MYBPC3: variants seen among roughly 807,000 people sequenced by gnomAD.
MYBPC3 encodes the protein myosin binding protein C3, also known as myosin-binding protein C, cardiac-type.
In MYBPC3, 108 loss-of-function variants were observed where a neutral mutation model predicts 159.3. The observed-to-expected ratio is 0.68, with a 90% CI of 0.58 to 0.80. MYBPC3 has a LOEUF of 0.80. Ranked by LOEUF, MYBPC3 falls within the 30% of genes least tolerant of loss-of-function variation. The pLI is 0.00. For synonymous variants in MYBPC3, 730 were observed against 702.0 expected (o/e 1.04, Z -0.63); for missense variants, 1,631 against 1,762.1 (o/e 0.93, Z 1.33).
At chr11:47,337,642 G>A (rs1269718070) in intron 24 of MYBPC3, 48 bp downstream of exon 24, 1 of 1,608,240 alleles carries the variant, frequency 6.2e-7, no homozygotes, top group African/African-American at 1.3e-5. Flanking sequence ...ACCTTCCCTC[G>A]GATCTGTTTG....
rs979655756 is a variant in MYBPC3, at chr11:47,343,028, A to G, written c.1344T>C (p.Phe448=). The change falls in exon 15 of 35, where the codon TTT becomes TTC. Residue 448 remains phenylalanine, a synonymous_variant. Transcript: ENST00000545968. Reference sequence around the variant, plus strand: ...CTCAGGTCCCAGGCCCACCTTTCACAAAGAGCTCCGTGCTACACTTCTCGC... The same window carrying G: ...CTCAGGTCCCAGGCCCACCTTTCACGAAGAGCTCCGTGCTACACTTCTCGC... ...VGGEKCSTEL[F]VKEPPVLITR... The G allele has an allele frequency of 1.4e-5, 22 of 1,613,160 alleles. No homozygotes were observed. The highest frequency in any genetic ancestry group is 1.9e-5 in the Non-Finnish European group (22 of 1,179,742).
chr11:47,349,397 C>T (rs1441288965), intron 5 of MYBPC3, among the ~76,000 whole-genome samples: 4 of 152,158 alleles, frequency 2.6e-5, no homozygotes, highest in African/African-American at 9.7e-5. Flanking sequence ...CCCTGATACT[C>T]ACCCATCCAG....
chr11:47,346,145 C>T lies in MYBPC3; in HGVS notation c.1090+62G>A. 6.2e-7 allele frequency: 1 copy of T among 1,601,512 alleles called. No individual in the cohort carries two copies. The highest frequency in any genetic ancestry group is 8.5e-7 in the Non-Finnish European group (1 of 1,173,262). ...GGGAAGGGCTAACCTATGCCCTCTC[C>T]TCTCCTGTGTAGGGAAGGGCTAGCC... On this transcript the variant is annotated intron_variant, in intron 12 of 34. Coordinates refer to ENST00000545968, the MANE Select transcript of MYBPC3 (RefSeq NM_000256.3). The surrounding 1 kb of genome is among the most constrained non-coding windows in gnomAD (Gnocchi z 5.3).
At position 47,343,205 on chromosome 11, in the gene MYBPC3, C is replaced by T. The variant is rs1023832011; in HGVS notation, c.1226+55G>A. On this transcript the variant is annotated intron_variant, in intron 14 of 34. Coordinates refer to ENST00000545968, the MANE Select transcript of MYBPC3 (RefSeq NM_000256.3). ...TGCGGACACCCCTCCGGGCCCAGTGCGCCCCATGATAATCCCTGTGCCCCC... is the reference window on the plus strand; with the variant it reads ...TGCGGACACCCCTCCGGGCCCAGTGTGCCCCATGATAATCCCTGTGCCCCC... 1.5e-5 allele frequency: 24 copies of T among 1,588,178 alleles called. No individual in the cohort carries two copies. In the African/African-American group the frequency reaches 2.0e-4, roughly 13 times the overall value.
At chr11:47,350,405 C>T in intron 3 of MYBPC3, 97 bp downstream of exon 3, 4 of 1,514,588 alleles carry the variant, frequency 2.6e-6, no homozygotes, top group Non-Finnish European at 3.5e-6. Context: ...GGATTATAGG[C>T]CTGAGCCACC....
chr11:47,336,862 G>A (rs568021422), intron 25 of MYBPC3, among the ~76,000 whole-genome samples: 2 of 152,302 alleles, frequency 1.3e-5, no homozygotes, highest in South Asian at 2.1e-4. Context: ...TTGGCCCCCC[G>A]GGGACCATGG....
chr11:47,349,742 T>C, intron 5 of MYBPC3, 32 bp downstream of exon 5: 1 of 1,595,432 alleles, frequency 6.3e-7, no homozygotes, highest in Non-Finnish European at 8.5e-7. Context: ...ATGTCCCCTC[T>C]CTCCGTGTCT....
chr11:47,347,247 CATA>C, intron 9 of MYBPC3, 176 bp downstream of exon 9: 1 of 985,368 alleles, frequency 1.0e-6, no homozygotes, highest in Non-Finnish European at 1.2e-6. Context: ...GTTGACGGGA[CATA>C]ATGTCTGCAG....
At chr11:47,333,824 C>T in intron 28 of MYBPC3, 72 bp from the exon 29 acceptor site, 1 of 1,547,658 alleles carries the variant, frequency 6.5e-7, no homozygotes, top group East Asian at 2.4e-5. Context: ...GCCTCTGGTA[C>T]CTCAGATCAG....
At chr11:47,348,926 A>ATATATATATATATATATATATTTTTT (rs1189066410) in intron 5 of MYBPC3, among the ~76,000 whole-genome samples, 1 of 131,314 alleles carries the variant, frequency 7.6e-6, no homozygotes, top group African/African-American at 2.7e-5. Flanking sequence ...ATATATATAT[A>ATATATATATATATATATATATTTTTT]TTTAAAGGAG....
At chr11:47,337,208 G>C (rs888495179) in intron 25 of MYBPC3, among the ~76,000 whole-genome samples, 183 bp downstream of exon 25, 1 of 152,182 alleles carries the variant, frequency 6.6e-6, no homozygotes, top group Non-Finnish European at 1.5e-5. Flanking sequence ...ATCTCAAGCA[G>C]GTCATTTAAC....
At chr11:47,352,585 G>C (rs2095901916) in intron 1 of MYBPC3, 38 bp downstream of exon 1, 1 of 1,600,020 alleles carries the variant, frequency 6.2e-7, no homozygotes, top group Non-Finnish European at 8.5e-7. Flanking sequence ...ACACCCCCCT[G>C]CTCCCACACT....
Position 47,331,850 on chromosome 11 carries a change from C to T in MYBPC3, c.*21G>A. The T allele has an allele frequency of 1.2e-6, 2 of 1,607,300 alleles. No homozygotes were observed. Among genetic ancestry groups the T allele is most frequent in the Non-Finnish European group, 1.7e-6 (2 of 1,177,294 alleles). The stretch of plus-strand genomic sequence containing the variant: ...GGGTGTCGGGTGGTACATACCTGGC[C>T]ATCCCCAGGAGCCAGCCTGGTCACT... On this transcript the variant is annotated 3_prime_UTR_variant, in exon 34 of 35. Transcript: ENST00000545968.
In MYBPC3 at chr11:47,331,885, C is replaced by T. The variant is rs1327835284; in HGVS notation, c.3815-4G>A. On this transcript the variant is annotated splice_polypyrimidine_tract_variant and splice_region_variant and intron_variant, in intron 33 of 34. Coordinates refer to ENST00000545968, the MANE Select transcript of MYBPC3 (RefSeq NM_000256.3). Reference sequence around the variant, plus strand: ...AGCCAGCCTGGTCACTGAGGCACTGCAGAAGAGGAGGCCATGTCACTGTGT... The same window carrying T: ...AGCCAGCCTGGTCACTGAGGCACTGTAGAAGAGGAGGCCATGTCACTGTGT... The T allele has an allele frequency of 1.2e-6, 2 of 1,610,390 alleles. No homozygotes were observed. The highest frequency in any genetic ancestry group is 2.7e-5 in the African/African-American group (2 of 74,998).
intron 17 of MYBPC3, 35 bp downstream of exon 17, chr11:47,342,543 C>G (rs1359784009): frequency 6.5e-7 from 1 of 1,529,914 alleles, no homozygotes; most frequent in African/African-American, 1.4e-5. Flanking sequence ...GGGTCCAAGC[C>G]CTAAAGCCTC....
In MYBPC3 at chr11:47,337,459, C is replaced by T. The variant is rs730880568; in HGVS notation, c.2534G>A (p.Arg845His). 5.0e-6 allele frequency: 8 copies of T among 1,613,512 alleles called. No homozygotes were observed. The highest frequency in any genetic ancestry group is 4.5e-5 in the East Asian group (2 of 44,902). The change falls in exon 25 of 35, where the codon CGC (arginine) becomes CAC (histidine). Residue 845 changes from arginine (R) to histidine (H), a missense_variant. Arg to His is a conservative substitution (Grantham distance 29). Transcript: ENST00000545968. ...RMIEGVVYEM[R>H]VYAVNAIGMS... ...GCCGATGGCGTTGACCGCGTAGACG[C>T]GCATCTCGTACACCACGCCCTCGAT...
In MYBPC3 at chr11:47,342,584, C is replaced by G. The variant is rs1454520902; in HGVS notation, c.1618G>C (p.Val540Leu). 6.2e-7 allele frequency: 1 copy of G among 1,600,228 alleles called. No homozygotes were observed. The highest frequency in any genetic ancestry group is 1.7e-5 in the Admixed American group (1 of 59,284). Residue 540 changes from valine (V) to leucine (L), a missense_variant, in exon 17 of 35, where the codon GTG becomes CTG. By Grantham distance (32) the Val-to-Leu change is conservative (BLOSUM62 1). Coordinates refer to ENST00000545968, the MANE Select transcript of MYBPC3 (RefSeq NM_000256.3). ...SGGQALAELI[V>L]QEKKLEVYQS... ...CCCCCCCAGCCAGGCTCACCCTGCA[C>G]AATGAGCTCAGCCAGCGCCTGGCCC...
chr11:47,344,954 G>C (rs1480111891), intron 12 of MYBPC3, among the ~76,000 whole-genome samples: 2 of 152,144 alleles, frequency 1.3e-5, no homozygotes, highest in African/African-American at 2.4e-5. Context: ...CCATGCCCAG[G>C]TAATTTTGTA....
Position 47,349,770 on chromosome 11 carries a change from C to T in MYBPC3, c.654+4G>A, listed in dbSNP as rs747898845. 5 of 1,602,922 alleles carry T rather than the reference C, an allele frequency of 3.1e-6. No individual in the cohort carries two copies. Among genetic ancestry groups the T allele is most frequent in the Admixed American group, 1.7e-5 (1 of 59,850 alleles). ...CCGTGTCTCCACGACCCCGGTGGAC[C>T]CACCTTGCTGGCGCGGTCGTAGCTG... On this transcript the variant is annotated splice_donor_region_variant and intron_variant, in intron 5 of 34. Coordinates refer to ENST00000545968, the MANE Select transcript of MYBPC3 (RefSeq NM_000256.3).
Sources: gnomAD v4.1 joint callset for allele counts (sites outside exome capture counted in the v4.1 genomes callset) on GRCh38, gnomAD v4.1.1 for gene constraint, Gnocchi (gnomAD v3.1) non-coding constraint, MANE v1.5 for transcripts, NCBI Gene and HGNC (gene_info 2026-07-23, HGNC 2026-07-21) for gene names.